The following PTPRK variants were observed in gnomAD, a reference collection of about 807,000 sequenced individuals.
PTPRK encodes receptor-type tyrosine-protein phosphatase kappa.
A neutral mutation model predicts 178.0 loss-of-function variants in PTPRK; 75 were observed. That is an observed-to-expected ratio of 0.42 (90% CI 0.35 to 0.51). The LOEUF is 0.51. PTPRK is among the 20% of genes least tolerant of loss of function. PTPRK has a pLI of 0.02. For missense variants in PTPRK, 1,441 were observed against 1,797.8 expected, an observed-to-expected ratio of 0.80 and a Z score of 3.59; for synonymous variants, 637 against 620.6, an observed-to-expected ratio of 1.03 and a Z score of -0.39.
At chr6:128,378,152 G>A (rs1837366856) in intron 2 of PTPRK, among the ~76,000 whole-genome samples, 1 of 151,980 alleles carries the variant, frequency 6.6e-6, no homozygotes, top group Non-Finnish European at 1.5e-5. Flanking sequence ...ATGTAATTAA[G>A]AAATTATTAC....
intron 15 of PTPRK, among the ~76,000 whole-genome samples, chr6:128,002,228 A>T (rs999596903): frequency 6.6e-6 from 1 of 151,904 alleles, no homozygotes; most frequent in South Asian, 2.1e-4. Flanking sequence ...AATGCAATTG[A>T]ACATTGATTG....
intron 2 of PTPRK, among the ~76,000 whole-genome samples, chr6:128,394,512 A>G (rs1388679923): frequency 3.3e-5 from 5 of 152,218 alleles, no homozygotes; most frequent in Admixed American, 2.6e-4. Flanking sequence ...CACTGATTGT[A>G]CAGTAGTTTC....
chr6:128,179,884 G>GA (rs922185934), intron 7 of PTPRK, among the ~76,000 whole-genome samples: 9 of 151,708 alleles, frequency 5.9e-5, no homozygotes, highest in Admixed American at 2.6e-4. Context: ...TTTGGGACAA[G>GA]AAAAAAAATG....
intron 7 of PTPRK, among the ~76,000 whole-genome samples, chr6:128,161,728 T>C (rs1172478753): frequency 6.6e-6 from 1 of 151,680 alleles, no homozygotes. Flanking sequence ...TTTCAAAGTT[T>C]GATTTTCAAG....
At chr6:128,251,338 G>T (rs1254133614) in intron 3 of PTPRK, among the ~76,000 whole-genome samples, 1 of 152,082 alleles carries the variant, frequency 6.6e-6, no homozygotes, top group Non-Finnish European at 1.5e-5. Flanking sequence ...ACTAAATATG[G>T]AAGGCAATTA....
At chr6:128,309,872 C>CA (rs1826977188) in intron 3 of PTPRK, among the ~76,000 whole-genome samples, 1 of 150,642 alleles carries the variant, frequency 6.6e-6, no homozygotes, top group South Asian at 2.1e-4. Flanking sequence ...AATATGATCA[C>CA]AAAAAATGGT....
intron 1 of PTPRK, among the ~76,000 whole-genome samples, chr6:128,515,454 C>A (rs1857843611): frequency 6.6e-6 from 1 of 151,478 alleles, no homozygotes. Context: ...GCAATTACAA[C>A]CTTTTTAGGC....
intron 5 of PTPRK, chr6:128,235,714 T>C (rs1813124131): frequency 5.3e-6 from 2 of 376,826 alleles, no homozygotes; most frequent in African/African-American, 4.3e-5. Context: ...TCATCGACAT[T>C]GTGTGTTTCT....
At chr6:128,363,802 T>C (rs931310430) in intron 2 of PTPRK, among the ~76,000 whole-genome samples, 2 of 152,186 alleles carry the variant, frequency 1.3e-5, no homozygotes, top group Non-Finnish European at 2.9e-5. Flanking sequence ...AGGTCTTCCT[T>C]TGTAAATCTA....
rs1368654592 is a variant in PTPRK at position 127,970,123 on chromosome 6, C to T, written c.*104G>A. 2.5e-6 allele frequency: 2 copies of T among 799,020 alleles called. No individual in the cohort carries two copies. Among genetic ancestry groups the T allele is most frequent in the Non-Finnish European group, 3.9e-6 (2 of 512,378 alleles). The allele number at this position is 799,020 out of a possible 1,614,324, so 49.5% of individuals were successfully genotyped here. A position where few individuals can be genotyped will look rare whatever the true frequency, so the allele number is the denominator to read the frequency against. Reference sequence around the variant, plus strand: ...CTCTCAAATGTAAAAGTCTCCCACCCCCCACATTAAAATCTTTCTGCACAA... The same window carrying T: ...CTCTCAAATGTAAAAGTCTCCCACCTCCCACATTAAAATCTTTCTGCACAA... On this transcript the variant is annotated 3_prime_UTR_variant, in exon 30 of 30. Coordinates refer to ENST00000368226, the MANE Select transcript of PTPRK (RefSeq NM_002844.4).
chr6:128,419,219 C>T (rs1227073011), intron 1 of PTPRK, among the ~76,000 whole-genome samples: 1 of 152,172 alleles, frequency 6.6e-6, no homozygotes, highest in African/African-American at 2.4e-5. Flanking sequence ...TTGGAGTCTA[C>T]TAAATCTGTG....
chr6:128,116,348 A>C (rs1234422321), intron 7 of PTPRK, among the ~76,000 whole-genome samples: 2 of 151,364 alleles, frequency 1.3e-5, no homozygotes, highest in East Asian at 3.8e-4. Flanking sequence ...TCTGACCCTT[A>C]TTTGAAATAT....
chr6:128,368,179 C>G (rs1239154534), intron 2 of PTPRK, among the ~76,000 whole-genome samples: 2 of 151,724 alleles, frequency 1.3e-5, no homozygotes, highest in African/African-American at 4.8e-5. Context: ...CACACAGGGA[C>G]AACAGAAAGC....
intron 13 of PTPRK, among the ~76,000 whole-genome samples, chr6:128,055,190 AT>A (rs1450309346): frequency 6.6e-6 from 1 of 152,232 alleles, no homozygotes; most frequent in Non-Finnish European, 1.5e-5. Flanking sequence ...TACAAAGTTT[AT>A]TTTGACAAAG....
At chr6:128,234,485 C>A (rs1268790658) in intron 5 of PTPRK, among the ~76,000 whole-genome samples, 1 of 152,170 alleles carries the variant, frequency 6.6e-6, no homozygotes, top group Non-Finnish European at 1.5e-5. Flanking sequence ...TCCAATTAAT[C>A]CTTATTCCCC....
At chr6:128,511,196 A>C (rs1341426950) in intron 1 of PTPRK, among the ~76,000 whole-genome samples, 1 of 152,220 alleles carries the variant, frequency 6.6e-6, no homozygotes, top group African/African-American at 2.4e-5. Flanking sequence ...TGCCAGACAC[A>C]AATTGCCTCT....
At position 127,970,226 on chromosome 6, in the gene PTPRK, A is replaced by G; in HGVS notation, c.*1T>C. ...GATGCACTTTAAAGAGTCTCACCCA[A>G]CTAAGATGATTCCAGGTACTCCAAA... is the stretch of plus-strand genomic sequence containing the variant. On this transcript the variant is annotated 3_prime_UTR_variant, in exon 30 of 30. Coordinates refer to ENST00000368226, the MANE Select transcript of PTPRK (RefSeq NM_002844.4). The G allele has an allele frequency of 6.2e-7, 1 of 1,607,270 alleles. No homozygotes were observed.
chr6:128,035,132 C>T lies in PTPRK; in HGVS notation c.2195-25864G>A, dbSNP rs1291950232. On this transcript the variant is annotated intron_variant, in intron 13 of 29. Transcript: ENST00000368226. ...CAAGCCTGGCAGCCCTTTGAGAGGC[C>T]GAGGCGGGCAGATCACTTGAGGTCA... is the stretch of plus-strand genomic sequence containing the variant. Among the ~76,000 whole-genome samples the T allele has an allele frequency of 3.9e-5, 6 of 152,094 alleles. No homozygotes were observed. The East Asian group carries it at 7.7e-4, about 20-fold the overall frequency.
chr6:128,470,933 G>A (rs1850567870), intron 1 of PTPRK, among the ~76,000 whole-genome samples: 1 of 147,268 alleles, frequency 6.8e-6, no homozygotes, highest in African/African-American at 2.5e-5. Flanking sequence ...TTTTAAAGGA[G>A]AGAGTAAGTC....
Sources: gnomAD v4.1 joint callset for allele counts (sites outside exome capture counted in the v4.1 genomes callset) on GRCh38, gnomAD v4.1.1 for gene constraint, MANE v1.5 for transcripts, NCBI Gene and HGNC (gene_info 2026-07-23, HGNC 2026-07-21) for gene names.